Variants in ORC3 observed in about 807,000 individuals in gnomAD.
ORC3 encodes the protein origin recognition complex subunit 3.
ORC3 carries 78 observed loss-of-function variants against 100.7 expected under a neutral mutation model. The ratio of observed to expected loss-of-function variants is 0.77; its 90% CI spans 0.65 to 0.94. The LOEUF (loss-of-function observed/expected upper bound fraction) is 0.94, where lower values mean the gene tolerates loss of function less well. Among genes scored for constraint, ORC3 ranks in the 40% least tolerant of loss-of-function variants. The probability of loss-of-function intolerance (pLI) is 0.00; values close to 1 mark genes in which losing one functional copy is unlikely to be tolerated. For missense variants in ORC3, 789 were observed against 823.9 expected (o/e 0.96, Z 0.52); for synonymous variants, 295 against 289.3 (o/e 1.02, Z -0.20).
the ORC3 span, among the ~76,000 whole-genome samples, chr6:87,672,896 A>G: frequency 1.3e-5 from 2 of 152,206 alleles, no homozygotes; most frequent in African/African-American, 4.8e-5. Context: ...ATCATAGTAC[A>G]GTACTGTATC....
downstream of ORC3, among the ~76,000 whole-genome samples, chr6:87,668,859 T>C (rs1770771429): frequency 6.6e-6 from 1 of 152,106 alleles, no homozygotes; most frequent in Non-Finnish European, 1.5e-5. Flanking sequence ...GGTGGGCGCC[T>C]GTAATCCCAG....
At chr6:87,600,185 A>G (rs1049067113) in intron 2 of ORC3, among the ~76,000 whole-genome samples, 4 of 152,228 alleles carry the variant, frequency 2.6e-5, no homozygotes, top group African/African-American at 9.6e-5. Context: ...ATTCCAAACT[A>G]TCAGTTAACA....
At chr6:87,604,847 C>T (rs1010140212) in intron 4 of ORC3, among the ~76,000 whole-genome samples, 4 of 151,452 alleles carry the variant, frequency 2.6e-5, no homozygotes, top group Non-Finnish European at 4.4e-5. Context: ...TTTGGCTCTC[C>T]TAGAAAAAAA....
At chr6:87,646,509 T>C (rs1399950180) in intron 13 of ORC3, among the ~76,000 whole-genome samples, 1 of 152,256 alleles carries the variant, frequency 6.6e-6, no homozygotes, top group African/African-American at 2.4e-5. Context: ...TCTCACTGTC[T>C]CTAATTCTTC....
chr6:87,638,827 G>T (rs893684908), intron 13 of ORC3, among the ~76,000 whole-genome samples: 4 of 152,126 alleles, frequency 2.6e-5, no homozygotes, highest in Admixed American at 1.3e-4. Flanking sequence ...TGTACCAATG[G>T]TGTGTCCTGT....
chr6:87,667,653 G>T (rs1770736083), downstream of ORC3, among the ~76,000 whole-genome samples: 3 of 152,000 alleles, frequency 2.0e-5, no homozygotes, highest in South Asian at 6.2e-4. Flanking sequence ...AAAAGGCCAG[G>T]CGTGGTGGCT....
At chr6:87,673,639 G>A in the ORC3 span, among the ~76,000 whole-genome samples, 7 of 151,912 alleles carry the variant, frequency 4.6e-5, no homozygotes, top group Non-Finnish European at 7.4e-5. Flanking sequence ...TCAAGAGATC[G>A]AGACCATCCT....
intron 1 of ORC3, 22 bp from the exon 2 acceptor site, chr6:87,594,331 C>T: frequency 6.4e-7 from 1 of 1,559,938 alleles, no homozygotes; most frequent in South Asian, 1.2e-5. Flanking sequence ...TGACTTTATG[C>T]TTTTCGTCTT....
chr6:87,599,079 G>A (rs958915987), intron 2 of ORC3, among the ~76,000 whole-genome samples: 2 of 152,182 alleles, frequency 1.3e-5, no homozygotes, highest in African/African-American at 2.4e-5. Flanking sequence ...GCAACAGTGA[G>A]AGCTTATATT....
At chr6:87,658,608 G>A (rs147314578) in intron 16 of ORC3, among the ~76,000 whole-genome samples, 39 of 152,262 alleles carry the variant, frequency 2.6e-4, no homozygotes, top group Admixed American at 1.5e-3. Flanking sequence ...AGATGAGATA[G>A]AAAGTGAATG....
chr6:87,670,644 A>C, downstream of ORC3, among the ~76,000 whole-genome samples: 1 of 152,228 alleles, frequency 6.6e-6, no homozygotes. Flanking sequence ...TTACAAAGGA[A>C]GTATTCTGCC....
intron 13 of ORC3, among the ~76,000 whole-genome samples, chr6:87,646,173 A>AGAT (rs1768772126): frequency 6.6e-6 from 1 of 151,714 alleles, no homozygotes; most frequent in African/African-American, 2.4e-5. Context: ...TTTTTAGTAG[A>AGAT]GATGGGGTTT....
intron 2 of ORC3, among the ~76,000 whole-genome samples, chr6:87,599,845 C>T (rs77722952): frequency 7.8e-4 from 118 of 152,172 alleles, no homozygotes; most frequent in Middle Eastern, 3.4e-3. Flanking sequence ...TGGTCGCGGG[C>T]GCCTGTAGTC....
chr6:87,649,657 A>G (rs537840798), intron 13 of ORC3, among the ~76,000 whole-genome samples: 1 of 152,274 alleles, frequency 6.6e-6, no homozygotes, highest in South Asian at 2.1e-4. Context: ...GAGACAGGAG[A>G]ATCGCCTGAA....
At chr6:87,630,330 G>A (rs1000895965) in intron 11 of ORC3, among the ~76,000 whole-genome samples, 1 of 152,210 alleles carries the variant, frequency 6.6e-6, no homozygotes, top group Non-Finnish European at 1.5e-5. Context: ...GACCCTGGGA[G>A]GTCAAGGCTG....
intron 6 of ORC3, among the ~76,000 whole-genome samples, 186 bp from the exon 7 acceptor site, chr6:87,608,910 G>T: frequency 6.6e-6 from 1 of 151,080 alleles, no homozygotes; most frequent in East Asian, 1.9e-4. Context: ...TTTCTTCTTG[G>T]TTATTATTCC....
intron 11 of ORC3, among the ~76,000 whole-genome samples, chr6:87,624,393 A>G (rs1302913653): frequency 6.6e-6 from 1 of 152,176 alleles, no homozygotes; most frequent in Non-Finnish European, 1.5e-5. Context: ...CTGAGGCAGG[A>G]GAATCACTTG....
chr6:87,623,842 C>T lies in ORC3; in HGVS notation c.1185+1829C>T, dbSNP rs1265731599. ...GAGGCTGTGGTAAGCCGAGATTGTA[C>T]CATTGCACTCCAGCCTGGGTGACAG... is the stretch of plus-strand genomic sequence containing the variant. On this transcript the variant is annotated intron_variant, in intron 11 of 19. Coordinates refer to ENST00000392844, the MANE Select transcript of ORC3 (RefSeq NM_012381.4). Among the ~76,000 whole-genome samples, 4 of 152,086 alleles carry T rather than the reference C, an allele frequency of 2.6e-5. No homozygotes were observed. The East Asian group carries it at 5.8e-4, about 22-fold the overall frequency.
At position 87,656,972 on chromosome 6, in the gene ORC3, A is replaced by G. The variant is rs1769758433; in HGVS notation, c.1583A>G (p.His528Arg). Residue 528 changes from histidine (H) to arginine (R), a missense_variant, in exon 15 of 20, where the codon CAT (histidine) becomes CGT (arginine). His to Arg is a conservative substitution (Grantham distance 29). Coordinates refer to ENST00000392844, the MANE Select transcript of ORC3 (RefSeq NM_012381.4). ...GGGCTTCAGAAGACAGACCTCTATC[A>G]TCTTCAGAAGGTCAGGTCACTCTCT... ...PKGLQKTDLY[H>R]LQKSLLEMKE... The G allele has an allele frequency of 1.2e-6, 2 of 1,607,560 alleles. No homozygotes were observed. The highest frequency in any genetic ancestry group is 2.7e-5 in the African/African-American group (2 of 74,862).
Sources: gnomAD v4.1 joint callset for allele counts (sites outside exome capture counted in the v4.1 genomes callset) on GRCh38, gnomAD v4.1.1 for gene constraint, MANE v1.5 for transcripts, NCBI Gene and HGNC (gene_info 2026-07-23, HGNC 2026-07-21) for gene names.